BICRA: variants seen among roughly 807,000 people sequenced by gnomAD.
The protein encoded by BICRA is BRD4 interacting chromatin remodeling complex associated protein.
In BICRA, 31 loss-of-function variants were observed where a neutral mutation model predicts 96.9. The ratio of observed to expected loss-of-function variants is 0.32; its 90% CI spans 0.24 to 0.43. The LOEUF (loss-of-function observed/expected upper bound fraction) is 0.43, where lower values mean the gene tolerates loss of function less well. BICRA is among the 20% of genes least tolerant of loss of function. The pLI is 1.00. For missense variants in BICRA, 2,283 were observed against 2,190.3 expected, an observed-to-expected ratio of 1.04 and a Z score of -0.84; for synonymous variants, 1,350 against 1,071.8, an observed-to-expected ratio of 1.26 and a Z score of -5.07.
intron 1 of BICRA, among the ~76,000 whole-genome samples, chr19:47,643,716 A>G (rs1299736374): frequency 1.3e-5 from 2 of 152,188 alleles, no homozygotes; most frequent in African/African-American, 4.8e-5. Context: ...AACAGTTAAC[A>G]TCGGTTGTTT....
intron 7 of BICRA, among the ~76,000 whole-genome samples, chr19:47,689,907 T>G (rs191441997): frequency 4.7e-4 from 71 of 152,332 alleles, no homozygotes; most frequent in Non-Finnish European, 2.4e-4. Flanking sequence ...CACAGTTCAT[T>G]TCCCCAGGAA....
At position 47,699,071 on chromosome 19, in the gene BICRA, G is replaced by C; in HGVS notation, c.3492+12G>C. The C allele has an allele frequency of 6.6e-7, 1 of 1,524,868 alleles. No homozygotes were observed. Among genetic ancestry groups the C allele is most frequent in the Non-Finnish European group, 8.9e-7 (1 of 1,121,864 alleles). The allele number at this position is 1,524,868 out of a possible 1,614,324, so 94.5% of individuals were successfully genotyped here. On this transcript the variant is annotated intron_variant, in intron 13 of 14. Transcript: ENST00000594866. The surrounding 1 kb of genome is among the most constrained non-coding windows in gnomAD (Gnocchi z 5.0). ...TGGAGGAGTCCCGGGTAGGGTCAGA[G>C]TCGCCTTCCTCGCCTCTGGGCTCCT...
chr19:47,695,280 G>T, intron 9 of BICRA, 85 bp from the exon 10 acceptor site: 1 of 792,552 alleles, frequency 1.3e-6, no homozygotes, highest in Non-Finnish European at 2.1e-6. Flanking sequence ...GAGAGCGGTG[G>T]GGTACAGGAT....
rs1973435767 is a variant in BICRA at position 47,701,201 on chromosome 19, A to T, written c.3596-127A>T. 4.5e-6 allele frequency: 3 copies of T among 671,892 alleles called. No homozygotes were observed. The African/African-American group carries it at 5.5e-5, about 12-fold the overall frequency. 41.6% of individuals were successfully genotyped at this position (671,892 alleles called of 1,614,324 possible). ...GGGTCTCACCAAGCCTATCCTGAGG[A>T]TTGGAGGGTCCAGGGTGCAGTCTGG... On this transcript the variant is annotated intron_variant, in intron 14 of 14. Coordinates refer to ENST00000594866, the MANE Select transcript of BICRA (RefSeq NM_001394372.1). The surrounding 1 kb of genome is among the most constrained non-coding windows in gnomAD (Gnocchi z 5.4).
chr19:47,679,605 C>A lies in BICRA; in HGVS notation c.435C>A (p.Gly145=). ...QPADGGAGPT[G]AGGAAAVAAG... ...CGGATGGCGGGGCAGGCCCGACGGG[C>A]GCTGGAGGGGCAGCGGCCGTGGCTG... Residue 145 remains glycine (G), a synonymous_variant, in exon 6 of 15, where the codon GGC becomes GGA. Transcript: ENST00000594866. 6.5e-7 allele frequency: 1 copy of A among 1,526,998 alleles called. No homozygotes were observed. The highest frequency in any genetic ancestry group is 8.8e-7 in the Non-Finnish European group (1 of 1,136,684). 94.6% of individuals were successfully genotyped at this position (1,526,998 alleles called of 1,614,324 possible).
At chr19:47,630,159 CTTT>C (rs778786532) in intron 1 of BICRA, among the ~76,000 whole-genome samples, 21 of 103,426 alleles carry the variant, frequency 2.0e-4, no homozygotes, top group African/African-American at 5.6e-4. Flanking sequence ...TTGGCCAATT[CTTT>C]TTTTTTTTTT....
In BICRA at chr19:47,620,693, G is replaced by C. The variant is rs62130668; in HGVS notation, c.-108+11525G>C. Among the ~76,000 whole-genome samples the C allele has an allele frequency of 1.8e-4, 19 of 104,986 alleles. 1 individual carries two copies. Among genetic ancestry groups the C allele is most frequent in the South Asian group, 1.5e-3 (5 of 3,408 alleles). 68.9% of individuals were successfully genotyped at this position (104,986 alleles called of 152,430 possible). A position where few individuals can be genotyped will look rare whatever the true frequency, so the allele number is the denominator to read the frequency against. Reference sequence around the variant, plus strand: ...AAAAAAAAAAAAAAAAAAAAAACAAGAACAAAACCCACATGCTTCCAAATG... The same window carrying C: ...AAAAAAAAAAAAAAAAAAAAAACAACAACAAAACCCACATGCTTCCAAATG... On this transcript the variant is annotated intron_variant, in intron 1 of 14. Coordinates refer to ENST00000594866, the MANE Select transcript of BICRA (RefSeq NM_001394372.1).
chr19:47,639,227 T>C (rs1280331586), intron 1 of BICRA, among the ~76,000 whole-genome samples: 1 of 151,150 alleles, frequency 6.6e-6, no homozygotes, highest in Non-Finnish European at 1.5e-5. Flanking sequence ...AGGCTGGCCT[T>C]GAACTCCTGA....
At chr19:47,620,619 G>A (rs1002757420) in intron 1 of BICRA, among the ~76,000 whole-genome samples, 2 of 133,110 alleles carry the variant, frequency 1.5e-5, no homozygotes, top group South Asian at 2.5e-4. Flanking sequence ...CCAGTTAGCT[G>A]TGATCATACC....
intron 1 of BICRA, among the ~76,000 whole-genome samples, chr19:47,617,039 G>C (rs1329636545): frequency 6.6e-6 from 1 of 152,094 alleles, no homozygotes; most frequent in East Asian, 1.9e-4. Context: ...TGTTGGCCAG[G>C]CTAGTCTCGA....
intron 1 of BICRA, among the ~76,000 whole-genome samples, chr19:47,654,326 T>C (rs193081492): frequency 1.3e-5 from 2 of 152,296 alleles, no homozygotes; most frequent in African/African-American, 2.4e-5. Flanking sequence ...TACCTCTTTC[T>C]TTTTTGTACA....
chr19:47,692,524 C>T (rs1432502702), intron 7 of BICRA, among the ~76,000 whole-genome samples: 1 of 152,194 alleles, frequency 6.6e-6, no homozygotes, highest in Non-Finnish European at 1.5e-5. Flanking sequence ...GCCACCGTGC[C>T]CGGCCGAATA....
At chr19:47,686,810 T>C (rs1973166254) in intron 7 of BICRA, among the ~76,000 whole-genome samples, 1 of 152,134 alleles carries the variant, frequency 6.6e-6, no homozygotes. Flanking sequence ...TCTGGGAAGA[T>C]TGCTGTGATG....
chr19:47,637,875 C>G (rs993372987), intron 1 of BICRA, among the ~76,000 whole-genome samples: 4 of 152,174 alleles, frequency 2.6e-5, no homozygotes, highest in Middle Eastern at 3.2e-3. Context: ...TGCCTCATTC[C>G]TTTTTATGGC....
chr19:47,663,871 T>C (rs1316564651), intron 1 of BICRA: 1 of 143,168 alleles, frequency 7.0e-6, no homozygotes, highest in Non-Finnish European at 1.5e-5. Flanking sequence ...TACACGTTAA[T>C]GTCTTCCATT....
intron 7 of BICRA, among the ~76,000 whole-genome samples, chr19:47,693,459 A>T (rs1389207587): frequency 6.6e-6 from 1 of 152,198 alleles, no homozygotes; most frequent in East Asian, 1.9e-4. Context: ...CAGGACACTT[A>T]GAAGGGGGTC....
At chr19:47,627,615 G>A (rs938561556) in intron 1 of BICRA, among the ~76,000 whole-genome samples, 1 of 152,094 alleles carries the variant, frequency 6.6e-6, no homozygotes, top group Admixed American at 6.6e-5. Context: ...GGAGATCTAA[G>A]GACAGCCATT....
rs1464067480 is a variant in BICRA at position 47,698,063 on chromosome 19, C to T, written c.3249-571C>T. On this transcript the variant is annotated intron_variant, in intron 11 of 14. Transcript: ENST00000594866. This position sits in a 1 kb window ranked among gnomAD's most constrained non-coding sequence, Gnocchi z 4.8. Reference sequence around the variant, plus strand: ...AGGCCTGAGCCCCATGTTGGGAACACAGGAGTAAGTGACACAAAGTCCCTG... The same window carrying T: ...AGGCCTGAGCCCCATGTTGGGAACATAGGAGTAAGTGACACAAAGTCCCTG... Among the ~76,000 whole-genome samples the T allele has an allele frequency of 6.6e-6, 1 of 152,166 alleles. No homozygotes were observed. The highest frequency in any genetic ancestry group is 1.5e-5 in the Non-Finnish European group (1 of 68,034).
intron 1 of BICRA, among the ~76,000 whole-genome samples, chr19:47,656,513 G>C (rs1599823542): frequency 6.6e-6 from 1 of 152,142 alleles, no homozygotes; most frequent in Non-Finnish European, 1.5e-5. Flanking sequence ...TAATGTCTAA[G>C]TATTTGCTAA....
Sources: allele counts gnomAD v4.1 joint callset (sites outside exome capture counted in the v4.1 genomes callset), GRCh38; gene constraint gnomAD v4.1.1; non-coding constraint Gnocchi (gnomAD v3.1); transcripts MANE v1.5; gene names NCBI Gene and HGNC (gene_info 2026-07-23, HGNC 2026-07-21).